Variants in KCNH7 observed in about 807,000 individuals in gnomAD.
KCNH7 encodes potassium voltage-gated channel subfamily H member 7, also known as voltage-gated inwardly rectifying potassium channel KCNH7.
In KCNH7, 49 loss-of-function variants were observed where a neutral mutation model predicts 120.8. The ratio of observed to expected loss-of-function variants is 0.41; its 90% CI spans 0.32 to 0.51. The LOEUF is 0.51. KCNH7 is among the 20% of genes least tolerant of loss of function. KCNH7 has a pLI of 0.38. For missense variants in KCNH7, 1,097 were observed against 1,446.6 expected, an observed-to-expected ratio of 0.76 and a Z score of 3.92; for synonymous variants, 547 against 516.1, an observed-to-expected ratio of 1.06 and a Z score of -0.81.
At chr2:162,447,745 A>G (rs1688632776) in intron 6 of KCNH7, among the ~76,000 whole-genome samples, 1 of 152,098 alleles carries the variant, frequency 6.6e-6, no homozygotes. Context: ...TGTCACGTGT[A>G]CTTGAAATTT....
At chr2:162,813,237 A>G (rs1043349757) in intron 2 of KCNH7, among the ~76,000 whole-genome samples, 10 of 152,160 alleles carry the variant, frequency 6.6e-5, no homozygotes, top group African/African-American at 2.4e-4. Context: ...CAGGCCCAGG[A>G]ATGGTCAACC....
At chr2:162,380,071 G>T in intron 13 of KCNH7, 50 bp from the exon 14 acceptor site, 3 of 1,584,782 alleles carry the variant, frequency 1.9e-6, no homozygotes, top group Non-Finnish European at 1.7e-6. Flanking sequence ...GCCCCTTTGC[G>T]TCAATAATTC....
At chr2:162,454,093 A>G (rs182236146) in intron 6 of KCNH7, among the ~76,000 whole-genome samples, 13 of 152,228 alleles carry the variant, frequency 8.5e-5, no homozygotes, top group African/African-American at 2.9e-4. Flanking sequence ...GTTGGTTTTT[A>G]CATTTAAGTC....
intron 6 of KCNH7, among the ~76,000 whole-genome samples, chr2:162,471,911 C>G (rs2105648054): frequency 6.6e-6 from 1 of 152,222 alleles, no homozygotes; most frequent in African/African-American, 2.4e-5. Context: ...TGGAACAGAA[C>G]AGAGCCCTCA....
intron 2 of KCNH7, among the ~76,000 whole-genome samples, chr2:162,746,650 C>T (rs1278249929): frequency 6.6e-6 from 1 of 151,880 alleles, no homozygotes; most frequent in Admixed American, 6.6e-5. Context: ...CTGCTGTAAA[C>T]CTAAATCAGA....
chr2:162,504,094 A>G (rs1690782138), intron 6 of KCNH7, among the ~76,000 whole-genome samples: 1 of 151,980 alleles, frequency 6.6e-6, no homozygotes, highest in South Asian at 2.1e-4. Context: ...TAAAGCTTCA[A>G]TAGACACATC....
intron 2 of KCNH7, among the ~76,000 whole-genome samples, chr2:162,815,601 G>T (rs896764283): frequency 6.6e-6 from 1 of 152,190 alleles, no homozygotes; most frequent in African/African-American, 2.4e-5. Context: ...AGACTGGAAG[G>T]CAAGGGGCAG....
intron 2 of KCNH7, among the ~76,000 whole-genome samples, chr2:162,676,796 A>T (rs1685543469): frequency 6.6e-6 from 1 of 151,446 alleles, no homozygotes; most frequent in African/African-American, 2.4e-5. Context: ...AGCTTTCTCT[A>T]TTCTGTACTA....
intron 2 of KCNH7, among the ~76,000 whole-genome samples, chr2:162,636,667 G>T (rs990109906): frequency 1.3e-5 from 2 of 152,006 alleles, no homozygotes; most frequent in Non-Finnish European, 2.9e-5. Flanking sequence ...ATCATATTCT[G>T]TTGCTTTTAG....
intron 3 of KCNH7, among the ~76,000 whole-genome samples, chr2:162,534,798 A>G (rs1243754306): frequency 6.6e-6 from 1 of 151,692 alleles, no homozygotes; most frequent in East Asian, 1.9e-4. Flanking sequence ...AAAATTGCAC[A>G]TATGCAGGCA....
chr2:162,490,698 C>A (rs970779546), intron 6 of KCNH7, among the ~76,000 whole-genome samples: 13 of 152,170 alleles, frequency 8.5e-5, no homozygotes, highest in Non-Finnish European at 1.5e-4. Context: ...CCCAACAACA[C>A]CCCTGCCCAT....
intron 3 of KCNH7, among the ~76,000 whole-genome samples, chr2:162,519,510 T>A (rs777575641): frequency 6.6e-6 from 1 of 151,840 alleles, no homozygotes; most frequent in Non-Finnish European, 1.5e-5. Context: ...GGAGATATAA[T>A]GTATGCATTC....
At chr2:162,503,961 CCACTGACTTTT>C (rs1690776087) in intron 6 of KCNH7, among the ~76,000 whole-genome samples, 1 of 151,436 alleles carries the variant, frequency 6.6e-6, no homozygotes, top group East Asian at 1.9e-4. Context: ...ATGTGGTGTT[CCACTGACTTTT>C]CATCATCTCA....
chr2:162,641,232 T>C (rs978386476), intron 2 of KCNH7, among the ~76,000 whole-genome samples: 1 of 152,172 alleles, frequency 6.6e-6, no homozygotes, highest in Non-Finnish European at 1.5e-5. Flanking sequence ...CTATTTATAA[T>C]AGCCAAAACC....
At chr2:162,520,938 T>C (rs187930684) in intron 3 of KCNH7, among the ~76,000 whole-genome samples, 5 of 151,874 alleles carry the variant, frequency 3.3e-5, no homozygotes, top group Admixed American at 6.6e-5. Flanking sequence ...CATATGGAAT[T>C]TTAATTCCCC....
intron 2 of KCNH7, among the ~76,000 whole-genome samples, chr2:162,635,190 A>C (rs1273976945): frequency 6.6e-6 from 1 of 152,106 alleles, no homozygotes; most frequent in Non-Finnish European, 1.5e-5. Context: ...GTTGCTTTAT[A>C]ATTTCAATTC....
At chr2:162,645,384 G>A (rs949979165) in intron 2 of KCNH7, among the ~76,000 whole-genome samples, 1 of 152,126 alleles carries the variant, frequency 6.6e-6, no homozygotes, top group Admixed American at 6.5e-5. Context: ...TTGACCTTGT[G>A]ATCCACCTGC....
At chr2:162,566,810 G>A (rs1347016900) in intron 2 of KCNH7, among the ~76,000 whole-genome samples, 1 of 151,946 alleles carries the variant, frequency 6.6e-6, no homozygotes, top group African/African-American at 2.4e-5. Flanking sequence ...CAGCAGCTAT[G>A]AGAAAATTAT....
At chr2:162,601,607 C>T (rs542103294) in intron 2 of KCNH7, among the ~76,000 whole-genome samples, 1 of 151,850 alleles carries the variant, frequency 6.6e-6, no homozygotes, top group East Asian at 1.9e-4. Context: ...TGTAACTTGT[C>T]TTCTTTGAAG....
Sources: allele counts gnomAD v4.1 joint callset (sites outside exome capture counted in the v4.1 genomes callset), GRCh38; gene constraint gnomAD v4.1.1; transcripts MANE v1.5; gene names NCBI Gene and HGNC (gene_info 2026-07-23, HGNC 2026-07-21).